CD99L2: variants seen among roughly 807,000 people sequenced by gnomAD.
CD99L2 encodes the protein CD99 antigen-like protein 2.
CD99L2 carries 24 observed loss-of-function variants against 27.3 expected under a neutral mutation model. That is an observed-to-expected ratio of 0.88 (90% CI 0.64 to 1.24). The LOEUF (loss-of-function observed/expected upper bound fraction) is 1.24, where lower values mean the gene tolerates loss of function less well. Ranked by LOEUF, CD99L2 falls within the 50% of genes most tolerant of loss-of-function variation. The pLI is 0.00. For synonymous variants in CD99L2, 97 were observed against 87.9 expected, an observed-to-expected ratio of 1.10 and a Z score of -0.58; for missense variants, 255 against 221.6, an observed-to-expected ratio of 1.15 and a Z score of -0.96.
intron 1 of CD99L2, among the ~76,000 whole-genome samples, chrX:150,848,076 A>C (rs958829169): frequency 2.8e-5 from 3 of 108,074 alleles, no homozygotes; most frequent in Non-Finnish European, 5.7e-5. Flanking sequence ...CACTACACTG[A>C]ATATAAGCTC....
At chrX:150,770,144 T>C (rs932802636) in intron 10 of CD99L2, among the ~76,000 whole-genome samples, 160 bp downstream of exon 10, 4 of 112,894 alleles carry the variant, frequency 3.5e-5, no homozygotes, top group East Asian at 5.6e-4. Flanking sequence ...TTTGGGCTCC[T>C]GAAACTGGGA....
At chrX:150,882,214 T>C (rs1603317381) in intron 1 of CD99L2, among the ~76,000 whole-genome samples, 1 of 111,557 alleles carries the variant, frequency 9.0e-6, no homozygotes, top group East Asian at 2.8e-4. Flanking sequence ...TTAGGCAGGA[T>C]GGCTCCACGT....
At chrX:150,891,774 G>A (rs1557422828) in intron 1 of CD99L2, among the ~76,000 whole-genome samples, 1 of 108,792 alleles carries the variant, frequency 9.2e-6, no homozygotes, top group South Asian at 4.2e-4. Context: ...CTACGATGAC[G>A]TTAAGCTTTT....
chrX:150,816,450 C>T, intron 2 of CD99L2: 1 of 199,413 alleles, frequency 5.0e-6, no homozygotes, highest in Non-Finnish European at 9.2e-6. Flanking sequence ...AACTATCAAC[C>T]TGGCACTTTA....
At chrX:150,880,985 G>T (rs1224215731) in intron 1 of CD99L2, among the ~76,000 whole-genome samples, 1 of 111,216 alleles carries the variant, frequency 9.0e-6, no homozygotes, top group South Asian at 3.8e-4. Context: ...AATGCTTGAG[G>T]GCTGCAGTCA....
rs943484615 is a variant in CD99L2 at position 150,890,014 on chromosome X, G to T, written c.67+8508C>A. ...AAAAATACAAAAAAATTAGCTGGGC[G>T]TGGAGGTGGGCGCCTGTAGTCCCAG... On this transcript the variant is annotated intron_variant, in intron 1 of 10. Transcript: ENST00000370377. Among the ~76,000 whole-genome samples, 245 of 110,188 alleles carry T rather than the reference G, an allele frequency of 2.2e-3. 3 individuals are homozygous for T. Among genetic ancestry groups the T allele is most frequent in the African/African-American group, 7.2e-3 (219 of 30,267 alleles).
intron 1 of CD99L2, among the ~76,000 whole-genome samples, chrX:150,870,212 A>G (rs1024111142): frequency 9.1e-6 from 1 of 109,380 alleles, no homozygotes; most frequent in Non-Finnish European, 1.9e-5. Flanking sequence ...GGAGATATTA[A>G]AAGTCAGCAA....
intron 7 of CD99L2, among the ~76,000 whole-genome samples, chrX:150,784,411 T>C (rs1557419500): frequency 9.0e-6 from 1 of 111,499 alleles, no homozygotes; most frequent in Non-Finnish European, 1.9e-5. Context: ...TTAGAGGACA[T>C]GACCTGAGGC....
At chrX:150,829,661 A>T in intron 2 of CD99L2, 1 of 243,998 alleles carries the variant, frequency 4.1e-6, no homozygotes, top group Non-Finnish European at 7.7e-6. Flanking sequence ...ATTAAATGAA[A>T]GAGCCTCACA....
chrX:150,894,359 C>T (rs782443228), intron 1 of CD99L2, among the ~76,000 whole-genome samples: 73 of 111,838 alleles, frequency 6.5e-4, no homozygotes, highest in Non-Finnish European at 1.3e-3. Flanking sequence ...CTAATAACCA[C>T]CCCATGAGGT....
chrX:150,782,357 G>A (rs1557419448), intron 7 of CD99L2, among the ~76,000 whole-genome samples: 1 of 111,722 alleles, frequency 9.0e-6, no homozygotes, highest in Non-Finnish European at 1.9e-5. Flanking sequence ...CCACTGGGGA[G>A]GGCACTCCTC....
chrX:150,845,535 C>T (rs1458641314), intron 1 of CD99L2, among the ~76,000 whole-genome samples: 2 of 110,716 alleles, frequency 1.8e-5, no homozygotes, highest in African/African-American at 6.6e-5. Flanking sequence ...GATCAGATGT[C>T]CTTTTTATGG....
At chrX:150,861,640 C>T (rs927187875) in intron 1 of CD99L2, among the ~76,000 whole-genome samples, 2 of 111,596 alleles carry the variant, frequency 1.8e-5, no homozygotes, top group African/African-American at 3.3e-5. Flanking sequence ...CAGTGGCTCA[C>T]GCCTGTAATC....
intron 1 of CD99L2, among the ~76,000 whole-genome samples, chrX:150,868,711 C>T (rs976678510): frequency 1.8e-5 from 2 of 111,815 alleles, no homozygotes; most frequent in Non-Finnish European, 3.8e-5. Context: ...ATGAGATTAA[C>T]TTTATTTAGC....
intron 1 of CD99L2, among the ~76,000 whole-genome samples, chrX:150,857,960 A>T (rs782742021): frequency 2.7e-5 from 3 of 112,269 alleles, no homozygotes; most frequent in African/African-American, 9.7e-5. Context: ...CTTTACCTGT[A>T]AAGATACATA....
chrX:150,846,185 C>G (rs1414052645), intron 1 of CD99L2, among the ~76,000 whole-genome samples: 9 of 111,586 alleles, frequency 8.1e-5, no homozygotes, highest in African/African-American at 2.9e-4. Context: ...GTGCGAGACT[C>G]TATCTCAAAA....
intron 1 of CD99L2, among the ~76,000 whole-genome samples, chrX:150,876,596 G>A (rs1557422331): frequency 8.9e-6 from 1 of 112,035 alleles, no homozygotes; most frequent in Admixed American, 9.5e-5. Context: ...GCCTTATCCT[G>A]TTCTAGGTCC....
In CD99L2 at chrX:150,777,792, G is replaced by T. The variant is rs782517237; in HGVS notation, c.497-310C>A. Among the ~76,000 whole-genome samples the T allele has an allele frequency of 1.7e-3, 192 of 111,933 alleles. 1 individual carries two copies. Among genetic ancestry groups the T allele is most frequent in the Non-Finnish European group, 5.5e-4 (29 of 53,148 alleles). ...CTATTTCACCTCTTTGCTACCAGTG[G>T]TGCAGCTGCACTAGCGGCCTCACCA... On this transcript the variant is annotated intron_variant, in intron 7 of 10. Transcript: ENST00000370377.
At chrX:150,846,416 C>T (rs1269910976) in intron 1 of CD99L2, among the ~76,000 whole-genome samples, 2 of 110,595 alleles carry the variant, frequency 1.8e-5, no homozygotes, top group African/African-American at 6.6e-5. Context: ...GCAGGAGAGA[C>T]ACCTTGCGCA....
Sources: allele counts gnomAD v4.1 joint callset (sites outside exome capture counted in the v4.1 genomes callset), GRCh38; gene constraint gnomAD v4.1.1; transcripts MANE v1.5; gene names NCBI Gene and HGNC (gene_info 2026-07-23, HGNC 2026-07-21).